Variants in UVSSA observed in about 807,000 individuals in gnomAD.
UVSSA encodes UV stimulated scaffold protein A, also known as UV-stimulated scaffold protein A.
Under a neutral mutation model 73.9 loss-of-function variants are expected in UVSSA, and 72 were observed. That is an observed-to-expected ratio of 0.97 (90% CI 0.81 to 1.19). The LOEUF is 1.19. Ranked by LOEUF, UVSSA falls within the 50% of genes most tolerant of loss-of-function variation. The pLI is 0.00. For synonymous variants in UVSSA, 454 were observed against 391.3 expected (o/e 1.16, Z -1.89); for missense variants, 1,150 against 965.0 (o/e 1.19, Z -2.54).
chr4:1,354,114 G>A (rs183259054), intron 5 of UVSSA, among the ~76,000 whole-genome samples: 11 of 152,314 alleles, frequency 7.2e-5, no homozygotes, highest in Admixed American at 2.6e-4. Flanking sequence ...GGAGGCAGCC[G>A]GGCTGGGAAG....
chr4:1,388,518 C>G (rs551565151), downstream of UVSSA: 7 of 152,368 alleles, frequency 4.6e-5, no homozygotes, highest in Admixed American at 4.6e-4. Context: ...GTGGTGAGAA[C>G]AGACATCCTC....
chr4:1,353,983 C>T (rs919595212), intron 5 of UVSSA, among the ~76,000 whole-genome samples: 1 of 152,228 alleles, frequency 6.6e-6, no homozygotes, highest in African/African-American at 2.4e-5. Flanking sequence ...CCCCCTGCTG[C>T]CCCCCTGGGG....
rs1187782181 is a variant in UVSSA at position 1,347,426 on chromosome 4, G to C, written c.-337G>C. The C allele has an allele frequency of 6.7e-6, 1 of 150,122 alleles. No individual in the cohort carries two copies. Among genetic ancestry groups the C allele is most frequent in the Admixed American group, 6.6e-5 (1 of 15,212 alleles). The allele number at this position is 150,122 out of a possible 1,614,324, so 9.3% of individuals were successfully genotyped here. On this transcript the variant is annotated 5_prime_UTR_variant, in exon 1 of 14. Coordinates refer to ENST00000389851, the MANE Select transcript of UVSSA (RefSeq NM_020894.4). ...GAGCACCGTCGAAGCCGGCGCGCCC[G>C]CCCGGTGCAGCCGCTGTGCGAGAGC...
chr4:1,370,488 C>A (rs1427280355), intron 8 of UVSSA, among the ~76,000 whole-genome samples: 1 of 152,270 alleles, frequency 6.6e-6, no homozygotes, highest in African/African-American at 2.4e-5. Flanking sequence ...CCGCTTTCAG[C>A]CCCTGGGAAC....
chr4:1,365,700 G>A (rs1248989950), intron 7 of UVSSA, among the ~76,000 whole-genome samples: 1 of 152,240 alleles, frequency 6.6e-6, no homozygotes, highest in East Asian at 1.9e-4. Flanking sequence ...CTGACATGCT[G>A]TGGTCACACC....
intron 6 of UVSSA, 66 bp downstream of exon 6, chr4:1,354,913 C>T: frequency 7.2e-7 from 1 of 1,398,298 alleles, no homozygotes; most frequent in Non-Finnish European, 9.8e-7. Context: ...TGGGGGGGGT[C>T]CCTTTCTTGG....
At chr4:1,374,184 C>A (rs191739500) in intron 8 of UVSSA, among the ~76,000 whole-genome samples, 3 of 152,226 alleles carry the variant, frequency 2.0e-5, no homozygotes, top group Non-Finnish European at 4.4e-5. Flanking sequence ...TCCTGAGCCC[C>A]CCTGGCCGGC....
chr4:1,352,941 C>T lies in UVSSA; in HGVS notation c.551-89C>T, dbSNP rs78763410. 2.9e-3 allele frequency: 4,279 copies of T among 1,500,598 alleles called. 114 individuals are homozygous for T. The African/African-American group carries it at 0.051, about 18-fold the overall frequency. The allele number at this position is 1,500,598 out of a possible 1,614,324, so 93.0% of individuals were successfully genotyped here. On this transcript the variant is annotated intron_variant, in intron 4 of 13. Coordinates refer to ENST00000389851, the MANE Select transcript of UVSSA (RefSeq NM_020894.4). ...CCTGGTGCTGAAAAGTGACACCCTGCGGGGAGTGGGCCTCTGAGTGTGGTT... is the reference window on the plus strand; with the variant it reads ...CCTGGTGCTGAAAAGTGACACCCTGTGGGGAGTGGGCCTCTGAGTGTGGTT...
At position 1,355,227 on chromosome 4, in the gene UVSSA, G is replaced by A; in HGVS notation, c.1158G>A (p.Glu386=). ...RKYKELDIEP[E]GGERRRTEAL... ...ACAAGGAGCTGGACATCGAGCCTGA[G>A]GGAGGGGAAAGGCGCAGGGTGAGTG... The change falls in exon 7 of 14, where the codon GAG becomes GAA. Residue 386 remains glutamate, a synonymous_variant. Transcript: ENST00000389851. 1 of 1,612,548 alleles carries A rather than the reference G, an allele frequency of 6.2e-7. No individual in the cohort carries two copies. The highest frequency in any genetic ancestry group is 8.5e-7 in the Non-Finnish European group (1 of 1,179,486).
rs1415122280 is a variant in UVSSA at position 1,375,401 on chromosome 4, G to C, written c.1326G>C (p.Arg442=). 1 of 1,613,518 alleles carries C rather than the reference G, an allele frequency of 6.2e-7. No individual in the cohort carries two copies. Among genetic ancestry groups the C allele is most frequent in the Non-Finnish European group, 8.5e-7 (1 of 1,180,024 alleles). ...CACCAGAGAAAGACACAGTTGTGCGGTGCTTGCGGACGAGGACGAGGATGG... is the reference window on the plus strand; with the variant it reads ...CACCAGAGAAAGACACAGTTGTGCGCTGCTTGCGGACGAGGACGAGGATGG... ...EAAPEKDTVV[R]CLRTRTRMDE... The change falls in exon 9 of 14, where the codon CGG becomes CGC. Residue 442 remains arginine, a synonymous_variant. Transcript: ENST00000389851.
Position 1,353,376 on chromosome 4 carries a change from C to T in UVSSA, c.897C>T (p.Gly299=). The change falls in exon 5 of 14, where the codon GGC becomes GGT. Residue 299 remains glycine (G), a synonymous_variant. Coordinates refer to ENST00000389851, the MANE Select transcript of UVSSA (RefSeq NM_020894.4). ...LEEFVRSHGL[G]SHKYTLDVEL... is the part of the protein sequence containing the mutation. ...AGTTTGTGCGGAGCCACGGGCTGGG[C>T]TCGCACAAGTACACGCTGGATGTGG... 6.2e-7 allele frequency: 1 copy of T among 1,600,476 alleles called. No individual in the cohort carries two copies. The highest frequency in any genetic ancestry group is 2.3e-5 in the East Asian group (1 of 44,352).
Position 1,348,204 on chromosome 4 carries a change from T to A in UVSSA, c.98+15T>A, listed in dbSNP as rs1357717328. 6.3e-7 allele frequency: 1 copy of A among 1,594,374 alleles called. No homozygotes were observed. The highest frequency in any genetic ancestry group is 1.3e-5 in the African/African-American group (1 of 74,650). On this transcript the variant is annotated intron_variant, in intron 2 of 13. Coordinates refer to ENST00000389851, the MANE Select transcript of UVSSA (RefSeq NM_020894.4). ...AAAATTTGCAAGTATGTCTTAGGGT[T>A]CAGTAACAGTAACTGACTGGCCCAC...
upstream of UVSSA, among the ~76,000 whole-genome samples, chr4:1,345,398 A>C (rs909917330): frequency 1.3e-5 from 2 of 152,092 alleles, no homozygotes; most frequent in Non-Finnish European, 2.9e-5. Context: ...TAATCCCAGC[A>C]CTTTGGGAGG....
rs553070696 is a variant in UVSSA at position 1,347,379 on chromosome 4, G to C, written c.-384G>C. On this transcript the variant is annotated 5_prime_UTR_variant, in exon 1 of 14. Coordinates refer to ENST00000389851, the MANE Select transcript of UVSSA (RefSeq NM_020894.4). ...GGGGCCGGAGGGCGGGCCCTGGGCCGAGTGACAGGCCGCAGCCCCCCGAGC... is the reference window on the plus strand; with the variant it reads ...GGGGCCGGAGGGCGGGCCCTGGGCCCAGTGACAGGCCGCAGCCCCCCGAGC... The C allele has an allele frequency of 9.3e-4, 141 of 152,192 alleles. 1 individual carries two copies. Among genetic ancestry groups the C allele is most frequent in the African/African-American group, 3.3e-3 (139 of 41,538 alleles). 9.4% of individuals were successfully genotyped at this position (152,192 alleles called of 1,614,324 possible).
At chr4:1,381,065 C>T in intron 12 of UVSSA, 77 bp downstream of exon 12, 3 of 1,324,780 alleles carry the variant, frequency 2.3e-6, no homozygotes, top group Admixed American at 4.4e-5. Context: ...GGTGTGTCTG[C>T]AGAGTCACAG....
intron 4 of UVSSA, among the ~76,000 whole-genome samples, chr4:1,352,700 C>G (rs1319913532): frequency 1.3e-5 from 2 of 152,252 alleles, no homozygotes; most frequent in Non-Finnish European, 2.9e-5. Context: ...GCCTGTCATC[C>G]CGGCACTTTG....
intron 10 of UVSSA, 149 bp downstream of exon 10, chr4:1,376,317 C>T (rs958954363): frequency 1.3e-5 from 17 of 1,259,348 alleles, no homozygotes; most frequent in East Asian, 2.8e-5. Flanking sequence ...CCTGGAGGGG[C>T]ACAGGGGTGG....
intron 8 of UVSSA, among the ~76,000 whole-genome samples, chr4:1,366,745 C>T (rs1717380414): frequency 6.6e-6 from 1 of 152,208 alleles, no homozygotes; most frequent in South Asian, 2.1e-4. Flanking sequence ...CCTCAGGTGC[C>T]CGGGTCTGGG....
rs77387453 is a variant in UVSSA, at chr4:1,372,826, C to G, written c.1289-2538C>G. Among the ~76,000 whole-genome samples, 6 of 26,718 alleles carry G rather than the reference C, an allele frequency of 2.2e-4. 1 individual carries two copies. The South Asian group carries it at 2.8e-3, about 13-fold the overall frequency. The allele number at this position is 26,718 out of a possible 152,430, so 17.5% of individuals were successfully genotyped here. A position where few individuals can be genotyped will look rare whatever the true frequency, so the allele number is the denominator to read the frequency against. ...ACCTCCCGCGTCTCAGGGCACTCAC[C>G]TCCCGCGTCTCAGGGCACTCACCTC... On this transcript the variant is annotated intron_variant, in intron 8 of 13. Coordinates refer to ENST00000389851, the MANE Select transcript of UVSSA (RefSeq NM_020894.4).
Sources: allele counts gnomAD v4.1 joint callset (sites outside exome capture counted in the v4.1 genomes callset), GRCh38; gene constraint gnomAD v4.1.1; transcripts MANE v1.5; gene names NCBI Gene and HGNC (gene_info 2026-07-23, HGNC 2026-07-21).